PTBP3: variants seen among roughly 807,000 people sequenced by gnomAD.
The protein encoded by PTBP3 is polypyrimidine tract binding protein 3.
PTBP3 carries 20 observed loss-of-function variants against 58.7 expected under a neutral mutation model. The ratio of observed to expected loss-of-function variants is 0.34; its 90% CI spans 0.24 to 0.50. PTBP3 has a LOEUF of 0.50. PTBP3 is among the 20% of genes least tolerant of loss of function. PTBP3 has a pLI of 0.98. For missense variants in PTBP3, 509 were observed against 637.2 expected (o/e 0.80, Z 2.17); for synonymous variants, 185 against 219.8 (o/e 0.84, Z 1.40).
chr9:112,287,429 C>T (rs1272038733), intron 2 of PTBP3, among the ~76,000 whole-genome samples: 1 of 149,818 alleles, frequency 6.7e-6, no homozygotes, highest in Non-Finnish European at 1.5e-5. Flanking sequence ...AACCTCCGCC[C>T]CCGGGGGTTC....
chr9:112,252,380 T>C (rs1836161885), intron 6 of PTBP3: 1 of 347,842 alleles, frequency 2.9e-6, no homozygotes, highest in African/African-American at 2.2e-5. Flanking sequence ...ATGATGGCTC[T>C]ATTAGTCAGC....
At chr9:112,298,710 A>G (rs1217571700) in intron 1 of PTBP3, 1 of 317,822 alleles carries the variant, frequency 3.1e-6, no homozygotes, top group Non-Finnish European at 6.2e-6. Flanking sequence ...AAATATTAGA[A>G]CAGCAATAGT....
At chr9:112,242,048 G>C (rs1452808277) in intron 7 of PTBP3, among the ~76,000 whole-genome samples, 2 of 152,090 alleles carry the variant, frequency 1.3e-5, no homozygotes, top group Non-Finnish European at 2.9e-5. Context: ...AATACTTCTA[G>C]ATTTTGGCTA....
the PTBP3 span, among the ~76,000 whole-genome samples, chr9:112,360,439 G>T: frequency 6.6e-6 from 1 of 152,118 alleles, no homozygotes; most frequent in Non-Finnish European, 1.5e-5. Flanking sequence ...TCCCACCTTG[G>T]CTTCCTAAAG....
intron 1 of PTBP3, among the ~76,000 whole-genome samples, chr9:112,304,876 T>C (rs550053418): frequency 3.3e-5 from 5 of 152,348 alleles, no homozygotes; most frequent in Admixed American, 3.3e-4. Flanking sequence ...TAAAATTCTA[T>C]AACAACATCC....
At chr9:112,329,366 A>G (rs1379955745) in intron 1 of PTBP3, among the ~76,000 whole-genome samples, 1 of 152,116 alleles carries the variant, frequency 6.6e-6, no homozygotes, top group Non-Finnish European at 1.5e-5. Flanking sequence ...TAGTAAGCCA[A>G]GATTGTACCA....
At chr9:112,244,303 A>T (rs1179283825) in intron 7 of PTBP3, among the ~76,000 whole-genome samples, 2 of 148,142 alleles carry the variant, frequency 1.4e-5, no homozygotes, top group African/African-American at 4.9e-5. Context: ...AAAAAAAAAA[A>T]AAAAGTTCTC....
At chr9:112,334,247 A>G (rs1364628449), upstream of PTBP3, among the ~76,000 whole-genome samples, 1 of 152,140 alleles carries the variant, frequency 6.6e-6, no homozygotes, top group Non-Finnish European at 1.5e-5. Context: ...TTTGTATACA[A>G]TTTAAGTATC....
chr9:112,268,078 G>T lies in PTBP3; in HGVS notation c.322C>A (p.Leu108Ile). ...TGATTAGGTAGATTGTCAGTCTTAA[G>T]TTCTCTGTGATTGGAATACTGAATA... is the stretch of plus-strand genomic sequence containing the variant. ...VYIQYSNHRELKTDNLPNQAR... is the reference protein window; with the variant it reads ...VYIQYSNHREIKTDNLPNQAR... The change falls in exon 4 of 14, where the codon CTT becomes ATT. Residue 108 changes from leucine (L) to isoleucine (I), a missense_variant. Transcript: ENST00000374257. 1 of 1,613,328 alleles carries T rather than the reference G, an allele frequency of 6.2e-7. No homozygotes were observed. Among genetic ancestry groups the T allele is most frequent in the Non-Finnish European group, 8.5e-7 (1 of 1,179,660 alleles).
chr9:112,326,498 G>C (rs1409487879), intron 1 of PTBP3, among the ~76,000 whole-genome samples: 5 of 152,198 alleles, frequency 3.3e-5, no homozygotes, highest in Non-Finnish European at 7.3e-5. Flanking sequence ...CAAGCAAACA[G>C]AAAACTAATC....
chr9:112,295,817 C>T (rs34864644), intron 2 of PTBP3, among the ~76,000 whole-genome samples: 40,392 of 151,958 alleles, frequency 0.27, 6,677 homozygotes, highest in South Asian at 0.41. Context: ...AAATGATCAA[C>T]ATTTCACATT....
chr9:112,259,923 C>T (rs1053971770), intron 5 of PTBP3, among the ~76,000 whole-genome samples: 1 of 152,094 alleles, frequency 6.6e-6, no homozygotes, highest in South Asian at 2.1e-4. Flanking sequence ...ATCATTAGAG[C>T]TAATACTTCT....
chr9:112,220,619 G>C lies in PTBP3; in HGVS notation c.*3232C>G. On this transcript the variant is annotated 3_prime_UTR_variant, in exon 14 of 14. Coordinates refer to ENST00000374257, the MANE Select transcript of PTBP3 (RefSeq NM_001163788.4). ...AATATTTAGTCTTAAAGAATTTATG[G>C]CATTCTGTAAGAGCTGCTGGGTAAT... The C allele has an allele frequency of 2.0e-6, 2 of 993,558 alleles. No homozygotes were observed. The highest frequency in any genetic ancestry group is 2.4e-6 in the Non-Finnish European group (2 of 834,358). The allele number at this position is 993,558 out of a possible 1,614,324, so 61.5% of individuals were successfully genotyped here. A position where few individuals can be genotyped will look rare whatever the true frequency, so the allele number is the denominator to read the frequency against.
chr9:112,231,501 T>TA (rs1475672400), intron 9 of PTBP3, 88 bp from the exon 10 acceptor site: 1 of 1,100,742 alleles, frequency 9.1e-7, no homozygotes, highest in East Asian at 2.6e-5. Context: ...CAGTTGATTT[T>TA]ATTTTAAAGC....
intron 2 of PTBP3, among the ~76,000 whole-genome samples, chr9:112,290,718 ACACAC>A (rs1828379395): frequency 6.8e-6 from 1 of 147,274 alleles, no homozygotes. Context: ...ACACACACAC[ACACAC>A]ACACACACAC....
chr9:112,268,016 A>C, intron 4 of PTBP3, 33 bp downstream of exon 4: 1 of 1,576,886 alleles, frequency 6.3e-7, no homozygotes, highest in Non-Finnish European at 8.6e-7. Flanking sequence ...ATGTGTTCCC[A>C]TACCTATTTT....
intron 1 of PTBP3, among the ~76,000 whole-genome samples, chr9:112,328,099 T>C (rs1205535203): frequency 6.6e-6 from 1 of 152,236 alleles, no homozygotes; most frequent in East Asian, 1.9e-4. Flanking sequence ...ATATTACTCT[T>C]CTGAATCCAG....
At chr9:112,248,721 G>A (rs561284790) in intron 7 of PTBP3, among the ~76,000 whole-genome samples, 28 of 152,194 alleles carry the variant, frequency 1.8e-4, no homozygotes, top group African/African-American at 6.5e-4. Context: ...TTTGAAAACT[G>A]GCATTATGTA....
intron 7 of PTBP3, among the ~76,000 whole-genome samples, chr9:112,246,664 G>C (rs1376692865): frequency 1.3e-5 from 2 of 151,066 alleles, no homozygotes; most frequent in Non-Finnish European, 2.9e-5. Flanking sequence ...CTGCACTCCA[G>C]CCTGGGCAAC....
Sources: allele counts gnomAD v4.1 joint callset (sites outside exome capture counted in the v4.1 genomes callset), GRCh38; gene constraint gnomAD v4.1.1; transcripts MANE v1.5; gene names NCBI Gene and HGNC (gene_info 2026-07-23, HGNC 2026-07-21).